C3orf20: variants seen among roughly 807,000 people sequenced by gnomAD.
C3orf20 encodes family with sequence similarity 149 member C.
In C3orf20, 76 loss-of-function variants were observed where a neutral mutation model predicts 88.3. The observed-to-expected ratio is 0.86, with a 90% CI of 0.72 to 1.04. The LOEUF (loss-of-function observed/expected upper bound fraction) is 1.04. Among genes scored for constraint, C3orf20 ranks in the 50% least tolerant of loss-of-function variants. C3orf20 has a pLI of 0.00. For synonymous variants in C3orf20, 436 were observed against 437.4 expected (o/e 1.00, Z 0.04); for missense variants, 1,056 against 1,123.3 (o/e 0.94, Z 0.86).
intron 15 of C3orf20, among the ~76,000 whole-genome samples, chr3:14,763,815 G>A (rs138270199): frequency 7.7e-4 from 117 of 152,166 alleles, no homozygotes; most frequent in African/African-American, 2.6e-3. Flanking sequence ...CATAGCTCAC[G>A]TTTACTGAGA....
intron 1 of C3orf20, among the ~76,000 whole-genome samples, chr3:14,681,618 A>C (rs1273800267): frequency 1.3e-5 from 2 of 152,204 alleles, no homozygotes; most frequent in Non-Finnish European, 2.9e-5. Flanking sequence ...TCTTTCACGG[A>C]GGCTCACACT....
At chr3:14,725,776 G>GT (rs1328082031) in intron 10 of C3orf20, among the ~76,000 whole-genome samples, 15 of 151,078 alleles carry the variant, frequency 9.9e-5, no homozygotes, top group Admixed American at 9.9e-4. Flanking sequence ...ACAGAAGAGA[G>GT]TTTTTTTCCT....
rs2032149781 is a variant in C3orf20, at chr3:14,682,566, C to T, written c.-136-12C>T. The T allele has an allele frequency of 3.6e-6, 4 of 1,098,944 alleles. No individual in the cohort carries two copies. Among genetic ancestry groups the T allele is most frequent in the African/African-American group, 1.6e-5 (1 of 63,596 alleles). The allele number at this position is 1,098,944 out of a possible 1,614,324, so 68.1% of individuals were successfully genotyped here. A position where few individuals can be genotyped will look rare whatever the true frequency, so the allele number is the denominator to read the frequency against. On this transcript the variant is annotated splice_polypyrimidine_tract_variant and intron_variant, in intron 2 of 16. Coordinates refer to ENST00000253697, the MANE Select transcript of C3orf20 (RefSeq NM_032137.5). ...GAGAGTGACTAACTCTTTTCTTGTC[C>T]TTTCCGGATAGGAACCACTGGCTCA...
rs2035044752 is a variant in C3orf20, at chr3:14,745,884, A to G, written c.1941-11487A>G. 4.6e-5 allele frequency among the ~76,000 whole-genome samples: 7 copies of G among 152,340 alleles called. No individual in the cohort carries two copies. The South Asian group carries it at 1.4e-3, about 32-fold the overall frequency. On this transcript the variant is annotated intron_variant, in intron 12 of 16. Transcript: ENST00000253697. ...AACCATTTAATGAAGTGTGCAGTTC[A>G]GCAGAATTTAATATACTCACAGCAT... is the stretch of plus-strand genomic sequence containing the variant.
intron 5 of C3orf20, among the ~76,000 whole-genome samples, chr3:14,697,577 G>C (rs963436233): frequency 6.6e-6 from 1 of 151,624 alleles, no homozygotes; most frequent in African/African-American, 2.4e-5. Flanking sequence ...TATACTTTAA[G>C]TTCTAGGGTA....
At position 14,683,057 on chromosome 3, in the gene C3orf20, A is replaced by G. The variant is rs1284520270; in HGVS notation, c.344A>G (p.Lys115Arg). The G allele has an allele frequency of 6.2e-6, 10 of 1,611,158 alleles. No individual in the cohort carries two copies. Among genetic ancestry groups the G allele is most frequent in the Non-Finnish European group, 8.5e-6 (10 of 1,178,654 alleles). Residue 115 changes from lysine (K) to arginine (R), a missense_variant, in exon 3 of 17, where the codon AAG (lysine) becomes AGG (arginine). Transcript: ENST00000253697. The part of the protein sequence containing the change: ...PVLLATTGAA[K>R]RSTLSPTMAR... ...CTGCTGGCAACCACTGGGGCAGCCA[A>G]GCGCTCCACCCTCTCTCCCACCATG... is the stretch of plus-strand genomic sequence containing the variant.
chr3:14,723,549 A>G (rs1230236780), intron 10 of C3orf20, among the ~76,000 whole-genome samples: 2 of 152,226 alleles, frequency 1.3e-5, no homozygotes, highest in East Asian at 3.9e-4. Context: ...ATGATCATCT[A>G]GCTTCACCCT....
intron 10 of C3orf20, among the ~76,000 whole-genome samples, chr3:14,722,959 G>T (rs1220531547): frequency 2.6e-5 from 4 of 152,194 alleles, no homozygotes; most frequent in African/African-American, 7.2e-5. Flanking sequence ...GCTCAGGTGG[G>T]TAGAGCAGAC....
In C3orf20 at chr3:14,682,752, A is replaced by G. The variant is rs1408606338; in HGVS notation, c.39A>G (p.Gln13=). ...AGAGTAACCTAGAATTATATCAGCA[A>G]TACACAGCCATGGCCCCCAAGCTAC... ...YIKSNLELYQ[Q]YTAMAPKLLA... The change falls in exon 3 of 17, where the codon CAA becomes CAG. Residue 13 remains glutamine, a synonymous_variant. Transcript: ENST00000253697. 8.1e-6 allele frequency: 13 copies of G among 1,613,820 alleles called. No homozygotes were observed. The South Asian group carries it at 1.1e-4, about 14-fold the overall frequency.
intron 5 of C3orf20, among the ~76,000 whole-genome samples, chr3:14,698,061 T>C (rs1027502191): frequency 1.3e-4 from 20 of 152,220 alleles, no homozygotes; most frequent in African/African-American, 4.1e-4. Context: ...TATAATCCTT[T>C]AGGTATATAC....
rs971721067 is a variant in C3orf20 at position 14,689,985 on chromosome 3, C to G, written c.626-12C>G. 1 of 1,614,190 alleles carries G rather than the reference C, an allele frequency of 6.2e-7. No individual in the cohort carries two copies. The highest frequency in any genetic ancestry group is 8.5e-7 in the Non-Finnish European group (1 of 1,180,022). On this transcript the variant is annotated splice_polypyrimidine_tract_variant and intron_variant, in intron 4 of 16. Coordinates refer to ENST00000253697, the MANE Select transcript of C3orf20 (RefSeq NM_032137.5). ...ACAGTTGAAAGAAGAATCTCTCTCTCTCCCACTCCAGAGTCCCTCGCAAAC... is the reference window on the plus strand; with the variant it reads ...ACAGTTGAAAGAAGAATCTCTCTCTGTCCCACTCCAGAGTCCCTCGCAAAC...
chr3:14,683,774 G>A (rs1386442367), intron 3 of C3orf20, among the ~76,000 whole-genome samples: 3 of 151,060 alleles, frequency 2.0e-5, no homozygotes. Flanking sequence ...TACGCAGAAG[G>A]CCAAGGCAGG....
intron 5 of C3orf20, among the ~76,000 whole-genome samples, chr3:14,691,037 A>G (rs1223327588): frequency 6.6e-6 from 1 of 152,238 alleles, no homozygotes; most frequent in Non-Finnish European, 1.5e-5. Context: ...ATCACTCACC[A>G]TATCGAGCTG....
At chr3:14,700,060 C>G (rs533370720) in intron 5 of C3orf20, among the ~76,000 whole-genome samples, 29 of 152,350 alleles carry the variant, frequency 1.9e-4, no homozygotes, top group African/African-American at 7.0e-4. Flanking sequence ...TAAAGTCTGA[C>G]AATCACTGTA....
chr3:14,688,992 G>T lies in C3orf20; in HGVS notation c.626-1005G>T, dbSNP rs140919828. On this transcript the variant is annotated intron_variant, in intron 4 of 16. Coordinates refer to ENST00000253697, the MANE Select transcript of C3orf20 (RefSeq NM_032137.5). ...AGGCTTTTTGTTATTTGTATAATGT[G>T]CATTGTAATAGGCAACTTTATGCAC... Among the ~76,000 whole-genome samples, 9 of 152,160 alleles carry T rather than the reference G, an allele frequency of 5.9e-5. No individual in the cohort carries two copies. The East Asian group carries it at 1.7e-3, about 29-fold the overall frequency.
At chr3:14,695,240 A>G (rs1271076265) in intron 5 of C3orf20, among the ~76,000 whole-genome samples, 1 of 152,150 alleles carries the variant, frequency 6.6e-6, no homozygotes, top group Non-Finnish European at 1.5e-5. Context: ...TAATTTCTTC[A>G]CTGACCCACT....
chr3:14,691,438 C>T (rs944066359), intron 5 of C3orf20, among the ~76,000 whole-genome samples: 2 of 152,176 alleles, frequency 1.3e-5, no homozygotes, highest in African/African-American at 2.4e-5. Flanking sequence ...ACTTTTTCTG[C>T]GTAATGAACT....
intron 10 of C3orf20, among the ~76,000 whole-genome samples, chr3:14,723,430 C>T (rs1575126770): frequency 6.6e-6 from 1 of 152,204 alleles, no homozygotes; most frequent in Non-Finnish European, 1.5e-5. Flanking sequence ...TTATTAGCAC[C>T]TGCAGCAGGC....
rs1157107381 is a variant in C3orf20 at position 14,768,402 on chromosome 3, C to T, written c.2496-3665C>T. Among the ~76,000 whole-genome samples the T allele has an allele frequency of 1.3e-5, 2 of 151,984 alleles. No homozygotes were observed. Among genetic ancestry groups the T allele is most frequent in the Non-Finnish European group, 2.9e-5 (2 of 68,022 alleles). On this transcript the variant is annotated intron_variant, in intron 15 of 16. Transcript: ENST00000253697. This position sits in a 1 kb window ranked among gnomAD's most constrained non-coding sequence, Gnocchi z 4.1. ...GGCTGCTCATGCCAGCAACCCCACA[C>T]CCCACTCAGCCCAAGGAAGCCCCTT...
Sources: allele counts gnomAD v4.1 joint callset (sites outside exome capture counted in the v4.1 genomes callset), GRCh38; gene constraint gnomAD v4.1.1; non-coding constraint Gnocchi (gnomAD v3.1); transcripts MANE v1.5; gene names NCBI Gene and HGNC (gene_info 2026-07-23, HGNC 2026-07-21).